Variants in SLC27A6 observed in about 807,000 individuals in gnomAD.
SLC27A6 encodes the protein solute carrier family 27 member 6, also known as long-chain fatty acid transport protein 6.
In SLC27A6, 74 loss-of-function variants were observed where a neutral mutation model predicts 63.9. That is an observed-to-expected ratio of 1.16 (90% confidence interval 0.96 to 1.40). The LOEUF (loss-of-function observed/expected upper bound fraction) is 1.40, where lower values mean the gene tolerates loss of function less well. Among genes scored for constraint, SLC27A6 ranks in the 40% most tolerant of loss-of-function variants. The pLI, the probability that SLC27A6 is intolerant of heterozygous loss-of-function variation, is 0.00. For synonymous variants in SLC27A6, 287 were observed against 260.8 expected (o/e 1.10, Z -0.97); for missense variants, 794 against 732.9 (o/e 1.08, Z -0.96).
In SLC27A6 at chr5:128,966,691, AG is replaced by A. The variant is rs1366200977; in HGVS notation, c.481+75del. ...CTTTCATACCCTTTTTTTTTTCTTT[AG>A]GATAATTCGTAACTAATATTTTGGG... On this transcript the variant is annotated intron_variant, in intron 1 of 9. Coordinates refer to ENST00000262462, the MANE Select transcript of SLC27A6 (RefSeq NM_001017372.3). 1.0e-5 allele frequency: 14 copies of A among 1,355,300 alleles called. No homozygotes were observed. The African/African-American group carries it at 1.9e-4, about 18-fold the overall frequency. The allele number at this position is 1,355,300 out of a possible 1,614,324, so 84.0% of individuals were successfully genotyped here. A position where few individuals can be genotyped will look rare whatever the true frequency, so the allele number is the denominator to read the frequency against.
At chr5:128,994,820 G>A (rs1390436333) in intron 4 of SLC27A6, among the ~76,000 whole-genome samples, 1 of 152,154 alleles carries the variant, frequency 6.6e-6, no homozygotes, top group African/African-American at 2.4e-5. Flanking sequence ...CCCTAGGGTT[G>A]GCTTTCTATG....
intron 4 of SLC27A6, among the ~76,000 whole-genome samples, chr5:129,015,432 A>G (rs1751859946): frequency 6.6e-6 from 1 of 152,212 alleles, no homozygotes; most frequent in South Asian, 2.1e-4. Context: ...TATATAAGGA[A>G]GATGGGTATT....
intron 4 of SLC27A6, among the ~76,000 whole-genome samples, chr5:128,992,121 ACGTGGGGTGGGGC>A: frequency 7.1e-6 from 1 of 141,478 alleles, no homozygotes; most frequent in Admixed American, 7.0e-5. Context: ...ATATTGCCCT[ACGTGGGGTGGGGC>A]AACAGAACCT....
chr5:128,977,688 A>G (rs529544815), intron 1 of SLC27A6, among the ~76,000 whole-genome samples: 13 of 152,312 alleles, frequency 8.5e-5, no homozygotes, highest in Middle Eastern at 6.8e-3. Context: ...CGTCCTTAAA[A>G]TAAGGTTAAT....
intron 4 of SLC27A6, among the ~76,000 whole-genome samples, chr5:128,993,009 A>AT (rs1302531045): frequency 6.6e-6 from 1 of 152,204 alleles, no homozygotes; most frequent in African/African-American, 2.4e-5. Flanking sequence ...TTAATGCTGC[A>AT]TTTAGTATCT....
chr5:129,027,233 T>C lies in SLC27A6; in HGVS notation c.1356T>C (p.Val452=). ...KHTKDKLLCD[V]FKKGDVYLNT... Reference sequence around the variant, plus strand: ...CAAAAGACAAATTGCTTTGTGATGTTTTTAAGAAGGGAGATGTTTACCTTA... The same window carrying C: ...CAAAAGACAAATTGCTTTGTGATGTCTTTAAGAAGGGAGATGTTTACCTTA... Residue 452 remains valine (V), a synonymous_variant, in exon 7 of 10, where the codon GTT becomes GTC. Coordinates refer to ENST00000262462, the MANE Select transcript of SLC27A6 (RefSeq NM_001017372.3). 6.2e-7 allele frequency: 1 copy of C among 1,613,390 alleles called. No homozygotes were observed. Among genetic ancestry groups the C allele is most frequent in the East Asian group, 2.2e-5 (1 of 44,846 alleles).
chr5:128,971,868 T>C (rs1469587917), intron 1 of SLC27A6, among the ~76,000 whole-genome samples: 1 of 152,208 alleles, frequency 6.6e-6, no homozygotes, highest in African/African-American at 2.4e-5. Flanking sequence ...CGATGGTCTT[T>C]ACAATTTGGC....
In SLC27A6 at chr5:128,966,536, CT is replaced by C; in HGVS notation, c.402del (p.Leu135SerfsTer11). 1 of 1,591,590 alleles carries C rather than the reference CT, an allele frequency of 6.3e-7. No individual in the cohort carries two copies. ...GLAKLGCVVA[F>X]LNTNIRSNSL... is the part of the protein sequence containing the mutation. Reference sequence around the variant, plus strand: ...TCGCCAAGCTGGGCTGCGTGGTGGCCTTTCTCAACACCAACATTCGCTCCAA... The same window carrying C: ...TCGCCAAGCTGGGCTGCGTGGTGGCCTTCTCAACACCAACATTCGCTCCAA... On this transcript the variant is annotated frameshift_variant, in exon 1 of 10. Coordinates refer to ENST00000262462, the MANE Select transcript of SLC27A6 (RefSeq NM_001017372.3). LOFTEE classifies it high-confidence loss of function.
In SLC27A6 at chr5:129,016,034, C is replaced by T; in HGVS notation, c.1119C>T (p.Tyr373=). 1.3e-6 allele frequency: 2 copies of T among 1,598,200 alleles called. No individual in the cohort carries two copies. Among genetic ancestry groups the T allele is most frequent in the Non-Finnish European group, 1.7e-6 (2 of 1,175,896 alleles). ...AATCAAGCATATCTTTCATGAACTA[C>T]ACTGGGAGAATTGGAGCAATTGGGA... ...ATESSISFMN[Y]TGRIGAIGRT... Residue 373 remains tyrosine (Y), a synonymous_variant, in exon 5 of 10, where the codon TAC becomes TAT. Coordinates refer to ENST00000262462, the MANE Select transcript of SLC27A6 (RefSeq NM_001017372.3).
chr5:128,974,905 A>G (rs1046106357), intron 1 of SLC27A6, among the ~76,000 whole-genome samples: 4 of 152,242 alleles, frequency 2.6e-5, no homozygotes, highest in African/African-American at 9.6e-5. Flanking sequence ...AGTAGATCTT[A>G]TTGTATTTAA....
chr5:129,033,260 T>C lies in SLC27A6; in HGVS notation c.1838T>C (p.Met613Thr). 6.4e-7 allele frequency: 1 copy of C among 1,572,526 alleles called. No homozygotes were observed. The highest frequency in any genetic ancestry group is 1.2e-5 in the South Asian group (1 of 84,242). Residue 613 changes from methionine (M) to threonine (T), a missense_variant, in exon 10 of 10, where the codon ATG (methionine) becomes ACG (threonine). Coordinates refer to ENST00000262462, the MANE Select transcript of SLC27A6 (RefSeq NM_001017372.3). The part of the protein sequence containing the change: ...LLTRELYDQI[M>T]LGEIKL ...ACCAGGGAACTTTATGATCAAATAA[T>C]GTTAGGGGAAATAAAACTTTAAGAT...
At chr5:128,980,518 C>T (rs1750547730) in intron 1 of SLC27A6, among the ~76,000 whole-genome samples, 2 of 152,088 alleles carry the variant, frequency 1.3e-5, no homozygotes, top group South Asian at 4.2e-4. Flanking sequence ...CAGTGGGGTC[C>T]ACAGTGTATG....
chr5:128,985,359 G>C (rs1250653489), intron 2 of SLC27A6, 23 bp downstream of exon 2: 3 of 1,602,260 alleles, frequency 1.9e-6, no homozygotes, highest in Non-Finnish European at 2.6e-6. Context: ...TCTTTTGAAG[G>C]CTAAAATGAA....
chr5:128,968,776 C>T (rs570585400), intron 1 of SLC27A6, among the ~76,000 whole-genome samples: 24 of 152,106 alleles, frequency 1.6e-4, no homozygotes, highest in African/African-American at 5.5e-4. Context: ...AATTAGATCC[C>T]ATTTGTCAAT....
intron 4 of SLC27A6, among the ~76,000 whole-genome samples, chr5:129,012,891 A>T (rs1277680149): frequency 6.6e-6 from 1 of 151,870 alleles, no homozygotes; most frequent in African/African-American, 2.4e-5. Flanking sequence ...ATGCATTCTA[A>T]AAGTTTTTTT....
chr5:128,993,385 A>T (rs1211262898), intron 4 of SLC27A6, among the ~76,000 whole-genome samples: 2 of 152,230 alleles, frequency 1.3e-5, no homozygotes, highest in Non-Finnish European at 2.9e-5. Flanking sequence ...GTTTGAACAA[A>T]GGATGCCTCA....
intron 4 of SLC27A6, among the ~76,000 whole-genome samples, chr5:128,999,655 T>G (rs1751268963): frequency 6.6e-6 from 1 of 152,174 alleles, no homozygotes; most frequent in Admixed American, 6.5e-5. Context: ...CCTTGTTTAC[T>G]CCAGCCTATC....
chr5:128,994,429 A>T (rs1015900789), intron 4 of SLC27A6, among the ~76,000 whole-genome samples: 19 of 152,166 alleles, frequency 1.2e-4, no homozygotes, highest in African/African-American at 4.6e-4. Flanking sequence ...AAAAGGAGAA[A>T]GTCATTCTGT....
At chr5:128,969,557 C>T (rs1750055049) in intron 1 of SLC27A6, among the ~76,000 whole-genome samples, 1 of 152,122 alleles carries the variant, frequency 6.6e-6, no homozygotes, top group African/African-American at 2.4e-5. Context: ...CATGATTTGG[C>T]TCTCTGTTTG....
Sources: gnomAD v4.1 joint callset for allele counts (sites outside exome capture counted in the v4.1 genomes callset) on GRCh38, gnomAD v4.1.1 for gene constraint, MANE v1.5 for transcripts, NCBI Gene and HGNC (gene_info 2026-07-23, HGNC 2026-07-21) for gene names.